TDRD9: variants seen among roughly 807,000 people sequenced by gnomAD.
The protein encoded by TDRD9 is tudor domain containing 9, also known as ATP-dependent RNA helicase TDRD9.
Under a neutral mutation model 172.6 loss-of-function variants are expected in TDRD9, and 124 were observed. The observed-to-expected ratio is 0.72, with a 90% CI of 0.62 to 0.83. TDRD9 has a LOEUF of 0.83. Among genes scored for constraint, TDRD9 ranks in the 40% least tolerant of loss-of-function variants. TDRD9 has a pLI of 0.00. For synonymous variants in TDRD9, 619 were observed against 617.1 expected (o/e 1.00, Z -0.05); for missense variants, 1,479 against 1,714.1 (o/e 0.86, Z 2.42).
At chr14:103,969,478 G>A (rs1207174782) in intron 5 of TDRD9, among the ~76,000 whole-genome samples, 1 of 152,202 alleles carries the variant, frequency 6.6e-6, no homozygotes, top group Non-Finnish European at 1.5e-5. Flanking sequence ...TCAAGTGACA[G>A]CATGAGATTT....
intron 1 of TDRD9, among the ~76,000 whole-genome samples, chr14:103,937,886 G>A (rs1328934179): frequency 2.0e-5 from 3 of 150,818 alleles, no homozygotes; most frequent in Non-Finnish European, 4.4e-5. Flanking sequence ...TTTTTGAATG[G>A]AGTATACTGA....
At chr14:103,938,436 A>ATTTTTT (rs1483928412) in intron 1 of TDRD9, among the ~76,000 whole-genome samples, 647 of 40,460 alleles carry the variant, frequency 0.016, 12 homozygotes, top group Non-Finnish European at 0.02. Flanking sequence ...ATATATATAT[A>ATTTTTT]TATATTTTTT....
At position 104,049,630 on chromosome 14, in the gene TDRD9, A is replaced by C; in HGVS notation, c.3997A>C (p.Arg1333=). ...TAGTTTGTTCTGTCAGTCAAAACCAAGGGAGAAGATTGTTCCCAAGTGGCA... is the reference window on the plus strand; with the variant it reads ...TAGTTTGTTCTGTCAGTCAAAACCACGGGAGAAGATTGTTCCCAAGTGGCA... ...LLGLFCQSKP[R]EKIVPKWHEK... is the part of the protein sequence containing the mutation. Residue 1333 remains arginine, a synonymous_variant, in exon 35 of 36, where the codon AGG becomes CGG. Coordinates refer to ENST00000409874, the MANE Select transcript of TDRD9 (RefSeq NM_153046.3). The C allele has an allele frequency of 3.8e-6, 6 of 1,583,858 alleles. No homozygotes were observed. The highest frequency in any genetic ancestry group is 5.2e-6 in the Non-Finnish European group (6 of 1,165,032).
At chr14:104,022,886 A>G (rs1468754390) in intron 24 of TDRD9, among the ~76,000 whole-genome samples, 2 of 152,082 alleles carry the variant, frequency 1.3e-5, no homozygotes. Flanking sequence ...TCTGTTTAAT[A>G]GAAATGATAC....
intron 5 of TDRD9, among the ~76,000 whole-genome samples, chr14:103,970,277 G>A (rs529193564): frequency 6.6e-6 from 1 of 152,288 alleles, no homozygotes; most frequent in South Asian, 2.1e-4. Flanking sequence ...ATGAGCAGGG[G>A]CGAGGGTGCA....
At chr14:103,942,233 C>T (rs1214778915) in intron 1 of TDRD9, 2 of 152,572 alleles carry the variant, frequency 1.3e-5, no homozygotes, top group Admixed American at 1.3e-4. Flanking sequence ...CCCACCGAAA[C>T]TGTATTTGAA....
At chr14:103,994,035 T>G (rs1186906558) in intron 9 of TDRD9, among the ~76,000 whole-genome samples, 1 of 152,132 alleles carries the variant, frequency 6.6e-6, no homozygotes, top group African/African-American at 2.4e-5. Flanking sequence ...ATTTAGAAAA[T>G]CTGGGGGTAA....
At chr14:103,938,429 TA>T (rs1246741247) in intron 1 of TDRD9, among the ~76,000 whole-genome samples, 5 of 60,734 alleles carry the variant, frequency 8.2e-5, no homozygotes, top group African/African-American at 3.0e-4. Flanking sequence ...TATATATATA[TA>T]TATATATATA....
At chr14:103,938,438 A>ATTTTTTTT (rs1354196439) in intron 1 of TDRD9, among the ~76,000 whole-genome samples, 2,584 of 41,444 alleles carry the variant, frequency 0.062, 186 homozygotes, top group Non-Finnish European at 0.084. Flanking sequence ...ATATATATAT[A>ATTTTTTTT]TATTTTTTTT....
intron 5 of TDRD9, among the ~76,000 whole-genome samples, 156 bp downstream of exon 5, chr14:103,966,987 T>G (rs894678045): frequency 1.3e-5 from 2 of 152,222 alleles, no homozygotes; most frequent in Non-Finnish European, 2.9e-5. Context: ...GGAATGTTTT[T>G]TGATTTTGTT....
intron 1 of TDRD9, among the ~76,000 whole-genome samples, chr14:103,952,612 T>C (rs1248068929): frequency 3.9e-5 from 6 of 151,964 alleles, no homozygotes; most frequent in South Asian, 2.1e-4. Flanking sequence ...GAAACTGATA[T>C]TGAATTTCTT....
rs151035917 is a variant in TDRD9, at chr14:104,025,577, G to A, written c.2732G>A (p.Gly911Glu). 1 of 1,613,698 alleles carries A rather than the reference G, an allele frequency of 6.2e-7. No homozygotes were observed. The highest frequency in any genetic ancestry group is 1.3e-5 in the African/African-American group (1 of 74,892). Reference sequence around the variant, plus strand: ...CTTCCTTTTTAGGTGGTTGAAGTGGGACACTTTTGGGGATACAGGATTGAT... The same window carrying A: ...CTTCCTTTTTAGGTGGTTGAAGTGGAACACTTTTGGGGATACAGGATTGAT... ...TIDVTEVVEV[G>E]HFWGYRIDEN... is the part of the protein sequence containing the mutation. The change falls in exon 26 of 36, where the codon GGA becomes GAA. Residue 911 changes from glycine (G) to glutamate (E), a missense_variant. This residue lies in a region of TDRD9 where 1,413 missense variants were observed against 1,649.1 expected (regional missense o/e 0.86). Coordinates refer to ENST00000409874, the MANE Select transcript of TDRD9 (RefSeq NM_153046.3).
intron 35 of TDRD9, among the ~76,000 whole-genome samples, chr14:104,051,736 C>A (rs1405810908): frequency 6.6e-6 from 1 of 152,280 alleles, no homozygotes; most frequent in South Asian, 2.1e-4. Flanking sequence ...GTTTTTGGCC[C>A]TTCAGTGTCT....
At chr14:104,031,470 T>TTG (rs1555375135) in intron 29 of TDRD9, among the ~76,000 whole-genome samples, 1 of 128,414 alleles carries the variant, frequency 7.8e-6, no homozygotes, top group Non-Finnish European at 1.7e-5. Flanking sequence ...TTTGACTAGT[T>TTG]TTTTTTTTTT....
chr14:104,002,610 G>A (rs1356603005), intron 13 of TDRD9, among the ~76,000 whole-genome samples: 1 of 152,188 alleles, frequency 6.6e-6, no homozygotes, highest in African/African-American at 2.4e-5. Flanking sequence ...TGGCATAAGA[G>A]TGGGTTATAG....
intron 24 of TDRD9, among the ~76,000 whole-genome samples, 175 bp from the exon 25 acceptor site, chr14:104,024,394 G>C (rs1398848036): frequency 6.6e-6 from 1 of 152,156 alleles, no homozygotes; most frequent in African/African-American, 2.4e-5. Flanking sequence ...CAAAAAGCCA[G>C]CAGAAATTCA....
rs774558385 is a variant in TDRD9, at chr14:104,022,345, G to A, written c.2606+15G>A. 6.2e-7 allele frequency: 1 copy of A among 1,606,916 alleles called. No homozygotes were observed. Among genetic ancestry groups the A allele is most frequent in the Admixed American group, 1.7e-5 (1 of 59,040 alleles). ...AGGAACACAAGGTATTTTCGGGAGG[G>A]AGGTGGCAGACAGGCCGTGCCTGCT... On this transcript the variant is annotated intron_variant, in intron 24 of 35. Transcript: ENST00000409874.
chr14:103,952,037 G>A (rs1228082533), intron 1 of TDRD9, among the ~76,000 whole-genome samples: 1 of 149,984 alleles, frequency 6.7e-6, no homozygotes, highest in African/African-American at 2.5e-5. Flanking sequence ...CAAAGTGCTG[G>A]GATTACCGGC....
rs141543761 is a variant in TDRD9 at position 103,974,347 on chromosome 14, A to G, written c.847-1042A>G. On this transcript the variant is annotated intron_variant, in intron 6 of 35. Coordinates refer to ENST00000409874, the MANE Select transcript of TDRD9 (RefSeq NM_153046.3). ...AGACTGCTGAGCTGGGAGACCCTCCATAATCAGCCACTTTCTCCTGGCACG... is the reference window on the plus strand; with the variant it reads ...AGACTGCTGAGCTGGGAGACCCTCCGTAATCAGCCACTTTCTCCTGGCACG... 5.1e-3 allele frequency among the ~76,000 whole-genome samples: 772 copies of G among 152,314 alleles called. 8 individuals carry two copies. Among genetic ancestry groups the G allele is most frequent in the African/African-American group, 0.018 (741 of 41,582 alleles).
Sources: gnomAD v4.1 joint callset for allele counts (sites outside exome capture counted in the v4.1 genomes callset) on GRCh38, gnomAD v4.1.1 for gene constraint, gnomAD v4.1.1 regional missense constraint, MANE v1.5 for transcripts, NCBI Gene and HGNC (gene_info 2026-07-23, HGNC 2026-07-21) for gene names.